MAGI2: variants seen among roughly 807,000 people sequenced by gnomAD.
MAGI2 encodes the protein membrane-associated guanylate kinase, WW and PDZ domain-containing protein 2.
In MAGI2, 35 loss-of-function variants were observed where a neutral mutation model predicts 133.3. The observed-to-expected ratio is 0.26, with a 90% confidence interval of 0.20 to 0.35. The LOEUF is 0.35. Ranked by LOEUF, MAGI2 falls within the 10% of genes least tolerant of loss-of-function variation. The pLI is 1.00. For missense variants in MAGI2, 1,636 were observed against 1,863.4 expected (o/e 0.88, Z 2.25); for synonymous variants, 729 against 710.6 (o/e 1.03, Z -0.41).
intron 6 of MAGI2, among the ~76,000 whole-genome samples, chr7:78,386,311 G>C (rs926735280): frequency 2.0e-5 from 3 of 152,076 alleles, no homozygotes; most frequent in Admixed American, 2.0e-4. Context: ...AGCATGCATC[G>C]CATTACTACT....
chr7:78,058,995 T>C (rs959077379), intron 21 of MAGI2, among the ~76,000 whole-genome samples: 1 of 152,230 alleles, frequency 6.6e-6, no homozygotes, highest in Admixed American at 6.5e-5. Flanking sequence ...GCAGGTTTTA[T>C]TGATTCTTCT....
intron 1 of MAGI2, among the ~76,000 whole-genome samples, chr7:79,013,653 A>G (rs926152419): frequency 4.6e-5 from 7 of 152,224 alleles, no homozygotes; most frequent in African/African-American, 1.7e-4. Flanking sequence ...CTAGCCTGCC[A>G]GAACAGCCTC....
At chr7:78,967,335 C>T (rs559954714) in intron 2 of MAGI2, among the ~76,000 whole-genome samples, 1 of 152,142 alleles carries the variant, frequency 6.6e-6, no homozygotes, top group South Asian at 2.1e-4. Flanking sequence ...GAGTTCTTTA[C>T]ATACTTTCAA....
intron 1 of MAGI2, among the ~76,000 whole-genome samples, chr7:79,015,918 C>G (rs1361956145): frequency 6.8e-6 from 1 of 146,798 alleles, no homozygotes; most frequent in African/African-American, 2.5e-5. Context: ...AGGGAAGACA[C>G]AGATACTGGG....
intron 1 of MAGI2, among the ~76,000 whole-genome samples, chr7:79,444,041 A>G (rs1033940934): frequency 6.6e-6 from 1 of 152,220 alleles, no homozygotes; most frequent in African/African-American, 2.4e-5. Context: ...TCCAGCATAT[A>G]AACAGAACCA....
chr7:79,256,104 A>G (rs181313941), intron 1 of MAGI2, among the ~76,000 whole-genome samples: 40 of 152,348 alleles, frequency 2.6e-4, no homozygotes, highest in African/African-American at 8.4e-4. Context: ...AATCACTTGA[A>G]TTAATAACTT....
intron 1 of MAGI2, among the ~76,000 whole-genome samples, chr7:79,168,842 G>T (rs1034558969): frequency 4.1e-5 from 6 of 146,768 alleles, no homozygotes; most frequent in Admixed American, 3.4e-4. Context: ...GTTCAGTTTG[G>T]TCATTTGGTG....
intron 10 of MAGI2, among the ~76,000 whole-genome samples, chr7:78,211,123 C>A (rs906162184): frequency 2.0e-5 from 3 of 152,076 alleles, no homozygotes; most frequent in African/African-American, 4.8e-5. Context: ...TTTCATGAGA[C>A]AAGAGAGGGT....
At chr7:78,696,975 T>C (rs878971752) in intron 2 of MAGI2, among the ~76,000 whole-genome samples, 2 of 126,822 alleles carry the variant, frequency 1.6e-5, no homozygotes, top group Non-Finnish European at 3.7e-5. Context: ...ACCCTTATTT[T>C]GCTTTCATCA....
intron 2 of MAGI2, among the ~76,000 whole-genome samples, chr7:78,831,648 C>T (rs931902477): frequency 5.9e-5 from 9 of 152,078 alleles, no homozygotes; most frequent in Non-Finnish European, 1.3e-4. Context: ...ACTGATTTGC[C>T]CCATTTAACT....
intron 20 of MAGI2, among the ~76,000 whole-genome samples, chr7:78,098,462 A>C (rs1020907176): frequency 1.3e-5 from 2 of 152,140 alleles, no homozygotes; most frequent in African/African-American, 4.8e-5. Flanking sequence ...ACTACTACAT[A>C]ATTCTCTATT....
At chr7:78,423,486 G>A (rs1056537832) in intron 6 of MAGI2, among the ~76,000 whole-genome samples, 2 of 152,184 alleles carry the variant, frequency 1.3e-5, no homozygotes, top group African/African-American at 4.8e-5. Context: ...TGAGGTTGGG[G>A]TATGGCTGAA....
chr7:78,910,499 A>G (rs1156306098), intron 2 of MAGI2, among the ~76,000 whole-genome samples: 1 of 152,156 alleles, frequency 6.6e-6, no homozygotes, highest in Non-Finnish European at 1.5e-5. Context: ...CTGTGAAATA[A>G]TGGACATATC....
chr7:78,079,329 GTTACTTA>G (rs1379904961), intron 20 of MAGI2, among the ~76,000 whole-genome samples: 2 of 152,104 alleles, frequency 1.3e-5, no homozygotes, highest in Non-Finnish European at 2.9e-5. Context: ...TACTTATTAT[GTTACTTA>G]TTACTTATTA....
intron 2 of MAGI2, among the ~76,000 whole-genome samples, chr7:78,941,422 T>C (rs1800958091): frequency 6.6e-6 from 1 of 152,164 alleles, no homozygotes; most frequent in South Asian, 2.1e-4. Context: ...CAATCTCGGC[T>C]CACTGCAACC....
intron 20 of MAGI2, among the ~76,000 whole-genome samples, chr7:78,082,469 C>G (rs1299342017): frequency 6.6e-6 from 1 of 152,158 alleles, no homozygotes; most frequent in Non-Finnish European, 1.5e-5. Context: ...CTGACCTCTT[C>G]ACCTGGCAGA....
chr7:79,336,134 G>A (rs1415511567), intron 1 of MAGI2, among the ~76,000 whole-genome samples: 2 of 152,070 alleles, frequency 1.3e-5, no homozygotes, highest in East Asian at 3.8e-4. Context: ...CAACTATTGA[G>A]CATTTACAAT....
intron 2 of MAGI2, among the ~76,000 whole-genome samples, chr7:78,701,713 G>A (rs759933546): frequency 2.6e-5 from 4 of 151,274 alleles, no homozygotes; most frequent in Non-Finnish European, 5.9e-5. Flanking sequence ...TTGGAAACTG[G>A]CCTTGGCCTC....
chr7:79,060,088 T>G (rs1254003854), intron 1 of MAGI2, among the ~76,000 whole-genome samples: 1 of 152,026 alleles, frequency 6.6e-6, no homozygotes, highest in African/African-American at 2.4e-5. Flanking sequence ...TCAATGGCCT[T>G]TTTTTATCTT....
Sources: gnomAD v4.1 joint callset for allele counts (sites outside exome capture counted in the v4.1 genomes callset) on GRCh38, gnomAD v4.1.1 for gene constraint, MANE v1.5 for transcripts, NCBI Gene and HGNC (gene_info 2026-07-23, HGNC 2026-07-21) for gene names.